Variants in GAS2L3 observed in about 807,000 individuals in gnomAD.
The protein encoded by GAS2L3 is growth arrest specific 2 like 3.
In GAS2L3, 28 loss-of-function variants were observed where a neutral mutation model predicts 37.0. That is an observed-to-expected ratio of 0.76 (90% confidence interval 0.56 to 1.04). The LOEUF is 1.04. GAS2L3 is among the 50% of genes least tolerant of loss of function. The probability of loss-of-function intolerance (pLI) is 0.00; values close to 1 mark genes in which losing one functional copy is unlikely to be tolerated. For missense variants in GAS2L3, 793 were observed against 817.6 expected, an observed-to-expected ratio of 0.97 and a Z score of 0.37; for synonymous variants, 290 against 296.6, an observed-to-expected ratio of 0.98 and a Z score of 0.23.
At chr12:100,588,201 C>T (rs904459373) in intron 1 of GAS2L3, among the ~76,000 whole-genome samples, 4 of 152,110 alleles carry the variant, frequency 2.6e-5, no homozygotes, top group Non-Finnish European at 2.9e-5. Context: ...ATTGGGGGAA[C>T]CCACCCCCAA....
In GAS2L3 at chr12:100,605,631, A is replaced by G. The variant is rs148494855; in HGVS notation, c.303+3878A>G. Among the ~76,000 whole-genome samples the G allele has an allele frequency of 7.7e-4, 117 of 152,054 alleles. 1 individual carries two copies. Among genetic ancestry groups the G allele is most frequent in the South Asian group, 1.0e-3 (5 of 4,820 alleles). ...TTTTTTGATGTGGACACTTACAGCT[A>G]TAAATTTCCCTCTTAAGACTGCTTT... On this transcript the variant is annotated intron_variant, in intron 5 of 9. Coordinates refer to ENST00000547754, the MANE Select transcript of GAS2L3 (RefSeq NM_174942.3).
rs773495800 is a variant in GAS2L3 at position 100,624,176 on chromosome 12, G to C, written c.1371G>C (p.Glu457Asp). 3.7e-6 allele frequency: 6 copies of C among 1,612,112 alleles called. No homozygotes were observed. In the East Asian group the frequency reaches 6.7e-5, roughly 18 times the overall value. ...CCCAGAATTCAGCAGATCTGCCCGAGTCCACACTTTTGCCAAATAAGTGTT... is the reference window on the plus strand; with the variant it reads ...CCCAGAATTCAGCAGATCTGCCCGACTCCACACTTTTGCCAAATAAGTGTT... ...IPAQNSADLP[E>D]STLLPNKCSG... The change falls in exon 10 of 10, where the codon GAG becomes GAC. Residue 457 changes from glutamate to aspartate, a missense_variant. Glu to Asp is a conservative substitution (Grantham distance 45). Coordinates refer to ENST00000547754, the MANE Select transcript of GAS2L3 (RefSeq NM_174942.3).
chr12:100,618,695 T>G, intron 8 of GAS2L3, 108 bp downstream of exon 8: 2 of 981,186 alleles, frequency 2.0e-6, no homozygotes, highest in Admixed American at 5.1e-5. Context: ...AAGTGTTTCT[T>G]ATTCAGAATA....
Position 100,624,976 on chromosome 12 carries a change from T to C in GAS2L3, c.*86T>C. ...AAAGTTTCTCCTATTTGTGTCTGTC[T>C]AAATAGGTGCAGACACTAAGGATAG... On this transcript the variant is annotated 3_prime_UTR_variant, in exon 10 of 10. Transcript: ENST00000547754. 2 of 1,037,626 alleles carry C rather than the reference T, an allele frequency of 1.9e-6. No individual in the cohort carries two copies. Among genetic ancestry groups the C allele is most frequent in the South Asian group, 3.2e-5 (2 of 62,938 alleles). 64.3% of individuals were successfully genotyped at this position (1,037,626 alleles called of 1,614,324 possible).
At chr12:100,611,942 A>T (rs560219588) in intron 5 of GAS2L3, 58 bp from the exon 6 acceptor site, 19 of 1,153,580 alleles carry the variant, frequency 1.6e-5, no homozygotes, top group Admixed American at 1.5e-4. Flanking sequence ...TATCAAAATG[A>T]ATGTTTAATG....
At chr12:100,619,867 G>A (rs1478620224) in intron 8 of GAS2L3, among the ~76,000 whole-genome samples, 1 of 152,038 alleles carries the variant, frequency 6.6e-6, no homozygotes, top group Non-Finnish European at 1.5e-5. Flanking sequence ...CAAGGTCTGT[G>A]TTCACACAAG....
chr12:100,584,848 G>A (rs1422428589), intron 1 of GAS2L3, among the ~76,000 whole-genome samples: 3 of 149,586 alleles, frequency 2.0e-5, no homozygotes, highest in Non-Finnish European at 3.0e-5. Flanking sequence ...TGGGATTACA[G>A]GCCTAAGCCA....
rs1263273206 is a variant in GAS2L3, at chr12:100,628,219, T to A, written c.*3329T>A. The A allele has an allele frequency of 1.3e-5, 2 of 152,220 alleles. No homozygotes were observed. The highest frequency in any genetic ancestry group is 2.9e-5 in the Non-Finnish European group (2 of 68,026). 9.4% of individuals were successfully genotyped at this position (152,220 alleles called of 1,614,324 possible). On this transcript the variant is annotated 3_prime_UTR_variant, in exon 10 of 10. Transcript: ENST00000547754. The stretch of plus-strand genomic sequence containing the variant: ...ATCCAAATTTGTGTATATTTTCTTA[T>A]GCCAGCAGTATTTGTATCCAATTTT...
chr12:100,614,749 A>G lies in GAS2L3; in HGVS notation c.445+2608A>G, dbSNP rs188958867. On this transcript the variant is annotated intron_variant, in intron 6 of 9. Transcript: ENST00000547754. ...GTCTCTATGGATTTGCATATTCTGG[A>G]TGTTTCATATAAATGGAATCATACA... 3.9e-5 allele frequency among the ~76,000 whole-genome samples: 6 copies of G among 152,280 alleles called. No individual in the cohort carries two copies. The East Asian group carries it at 1.2e-3, about 29-fold the overall frequency.
chr12:100,575,706 T>C (rs1347892213), intron 1 of GAS2L3, among the ~76,000 whole-genome samples: 1 of 151,952 alleles, frequency 6.6e-6, no homozygotes, highest in Non-Finnish European at 1.5e-5. Context: ...TCTCGATCTC[T>C]TGACGTCGTG....
In GAS2L3 at chr12:100,624,997, G is replaced by A. The variant is rs2136614974; in HGVS notation, c.*107G>A. 4 of 834,292 alleles carry A rather than the reference G, an allele frequency of 4.8e-6. No homozygotes were observed. The highest frequency in any genetic ancestry group is 4.9e-5 in the East Asian group (2 of 40,736). 51.7% of individuals were successfully genotyped at this position (834,292 alleles called of 1,614,324 possible). On this transcript the variant is annotated 3_prime_UTR_variant, in exon 10 of 10. Coordinates refer to ENST00000547754, the MANE Select transcript of GAS2L3 (RefSeq NM_174942.3). Reference sequence around the variant, plus strand: ...TGTCTAAATAGGTGCAGACACTAAGGATAGTGAGGATGGAGGCTGGGATGA... The same window carrying A: ...TGTCTAAATAGGTGCAGACACTAAGAATAGTGAGGATGGAGGCTGGGATGA...
Position 100,617,556 on chromosome 12 carries a change from GT to G in GAS2L3, c.446-180del, listed in dbSNP as rs949929962. On this transcript the variant is annotated intron_variant, in intron 6 of 9. Coordinates refer to ENST00000547754, the MANE Select transcript of GAS2L3 (RefSeq NM_174942.3). ...ATTTTTCATTCTGTTCTTATTAGCTGTTTTTTTTAAACTAATTTGTTGAAGA... is the reference window on the plus strand; with the variant it reads ...ATTTTTCATTCTGTTCTTATTAGCTGTTTTTTTAAACTAATTTGTTGAAGA... 5.9e-5 allele frequency among the ~76,000 whole-genome samples: 9 copies of G among 151,828 alleles called. 1 individual carries two copies. The highest frequency in any genetic ancestry group is 2.1e-4 in the South Asian group (1 of 4,794).
At chr12:100,622,140 A>G in intron 8 of GAS2L3, 135 bp from the exon 9 acceptor site, 1 of 513,954 alleles carries the variant, frequency 1.9e-6, no homozygotes, top group Admixed American at 3.4e-5. Context: ...TAATAAGCAC[A>G]GGAGAAGCGA....
chr12:100,609,189 T>TTGTGCCCCTAAGGCACA (rs1178340741), intron 5 of GAS2L3, among the ~76,000 whole-genome samples: 3 of 152,200 alleles, frequency 2.0e-5, no homozygotes, highest in Non-Finnish European at 1.5e-5. Flanking sequence ...GGCACAAGAC[T>TTGTGCCCCTAAGGCACA]AGAGTCTGCT....
At chr12:100,593,675 T>G (rs1160959513) in intron 2 of GAS2L3, 1 of 152,102 alleles carries the variant, frequency 6.6e-6, no homozygotes, top group Non-Finnish European at 1.5e-5. Context: ...AAAAATGGTC[T>G]TGGAAGCTTC....
At chr12:100,616,771 A>G (rs1425316420) in intron 6 of GAS2L3, among the ~76,000 whole-genome samples, 1 of 152,150 alleles carries the variant, frequency 6.6e-6, no homozygotes, top group African/African-American at 2.4e-5. Context: ...TAATAGAGGT[A>G]GTTTTCCTTC....
intron 4 of GAS2L3, among the ~76,000 whole-genome samples, chr12:100,601,003 G>A (rs1015479988): frequency 6.6e-6 from 1 of 152,064 alleles, no homozygotes; most frequent in Non-Finnish European, 1.5e-5. Flanking sequence ...AGAAATGTCA[G>A]GTTGGAGAAT....
chr12:100,580,223 A>T (rs1955693717), intron 1 of GAS2L3: 7 of 627,266 alleles, frequency 1.1e-5, no homozygotes, highest in Non-Finnish European at 2.0e-5. Flanking sequence ...GTAAGATTTT[A>T]AACATTTGTA....
At chr12:100,604,638 A>G (rs1279879410) in intron 5 of GAS2L3, among the ~76,000 whole-genome samples, 1 of 152,004 alleles carries the variant, frequency 6.6e-6, no homozygotes, top group Non-Finnish European at 1.5e-5. Context: ...TGTGTTGAAT[A>G]ACAGTGATGA....
Sources: gnomAD v4.1 joint callset for allele counts (sites outside exome capture counted in the v4.1 genomes callset) on GRCh38, gnomAD v4.1.1 for gene constraint, MANE v1.5 for transcripts, NCBI Gene and HGNC (gene_info 2026-07-23, HGNC 2026-07-21) for gene names.